The following RNF32 variants were observed in gnomAD, a reference collection of about 807,000 sequenced individuals.
The protein encoded by RNF32 is ring finger protein 32.
In RNF32, 36 loss-of-function variants were observed where a neutral mutation model predicts 41.0. The observed-to-expected ratio is 0.88, with a 90% CI of 0.67 to 1.16. RNF32 has a LOEUF of 1.16. Ranked by LOEUF, RNF32 falls within the 50% of genes most tolerant of loss-of-function variation. The probability of loss-of-function intolerance (pLI) is 0.00; values close to 1 mark genes in which losing one functional copy is unlikely to be tolerated. For synonymous variants in RNF32, 154 were observed against 160.9 expected (o/e 0.96, Z 0.32); for missense variants, 413 against 436.7 (o/e 0.95, Z 0.48).
chr7:156,676,165 G>A lies in RNF32; in HGVS notation c.853-254G>A, dbSNP rs562352539. Reference sequence around the variant, plus strand: ...GTCCCTTCAGTTTGAAATTCTGGAAGTTCCTGTTGGATGTTGCTTATCACA... The same window carrying A: ...GTCCCTTCAGTTTGAAATTCTGGAAATTCCTGTTGGATGTTGCTTATCACA... On this transcript the variant is annotated intron_variant, in intron 8 of 8. Coordinates refer to ENST00000317955, the MANE Select transcript of RNF32 (RefSeq NM_030936.4). The A allele has an allele frequency of 3.5e-6, 4 of 1,153,920 alleles. No homozygotes were observed. The South Asian group carries it at 6.8e-5, about 20-fold the overall frequency. 71.5% of individuals were successfully genotyped at this position (1,153,920 alleles called of 1,614,324 possible). A position where few individuals can be genotyped will look rare whatever the true frequency, so the allele number is the denominator to read the frequency against.
chr7:156,646,996 T>G (rs1798039558), intron 3 of RNF32, among the ~76,000 whole-genome samples: 2 of 152,080 alleles, frequency 1.3e-5, no homozygotes, highest in African/African-American at 4.8e-5. Context: ...GAATTACAGG[T>G]GTGTGCCACC....
At position 156,659,025 on chromosome 7, in the gene RNF32, A is replaced by T. The variant is rs1800186268; in HGVS notation, c.684+455A>T. The T allele has an allele frequency of 5.6e-6, 8 of 1,425,614 alleles. No individual in the cohort carries two copies. The South Asian group carries it at 1.3e-4, about 23-fold the overall frequency. The allele number at this position is 1,425,614 out of a possible 1,614,324, so 88.3% of individuals were successfully genotyped here. A position where few individuals can be genotyped will look rare whatever the true frequency, so the allele number is the denominator to read the frequency against. ...AGTACCTCGTGGGGTCATCACAATGAGCTTTAGAGCTAACTTCCATGTCTA... is the reference window on the plus strand; with the variant it reads ...AGTACCTCGTGGGGTCATCACAATGTGCTTTAGAGCTAACTTCCATGTCTA... On this transcript the variant is annotated intron_variant, in intron 7 of 8. Transcript: ENST00000317955.
Position 156,658,537 on chromosome 7 carries a change from T to C in RNF32, c.651T>C (p.Asp217=), listed in dbSNP as rs148498643. 48 of 1,613,192 alleles carry C rather than the reference T, an allele frequency of 3.0e-5. No homozygotes were observed. The highest frequency in any genetic ancestry group is 4.1e-5 in the Non-Finnish European group (48 of 1,179,286). Residue 217 remains aspartate, a synonymous_variant, in exon 7 of 9, where the codon GAT becomes GAC. Transcript: ENST00000317955. ...TGAGGAAAACAGTACCTCCCACAGA[T>C]GCCAAGTTAAGAAAAAAATTCTTTG... ...RNLRKTVPPT[D]AKLRKKFFEK...
At chr7:156,642,023 A>G (rs904252397) in intron 1 of RNF32, among the ~76,000 whole-genome samples, 2 of 152,172 alleles carry the variant, frequency 1.3e-5, no homozygotes, top group Non-Finnish European at 2.9e-5. Flanking sequence ...CTATCTCTCC[A>G]CTCACGCCTT....
At chr7:156,665,912 C>G (rs1801280731) in intron 7 of RNF32, among the ~76,000 whole-genome samples, 8 of 152,222 alleles carry the variant, frequency 5.3e-5, no homozygotes. Flanking sequence ...GAAAAAAGTA[C>G]CTGACCGCAC....
chr7:156,668,568 C>T lies in RNF32; in HGVS notation c.685-7128C>T, dbSNP rs187291759. On this transcript the variant is annotated intron_variant, in intron 7 of 8. Transcript: ENST00000317955. The stretch of plus-strand genomic sequence containing the variant: ...CCTCACTCCTTCCTTCCCAGGTCCC[C>T]GTCCCACTGGCTGCATCTGCCCAGA... Among the ~76,000 whole-genome samples the T allele has an allele frequency of 4.4e-3, 667 of 152,286 alleles. 2 individuals carry two copies. The highest frequency in any genetic ancestry group is 7.3e-3 in the Non-Finnish European group (496 of 68,020).
At chr7:156,659,119 C>T (rs1040287122) in intron 7 of RNF32, 1 of 1,350,096 alleles carries the variant, frequency 7.4e-7, no homozygotes, top group African/African-American at 1.5e-5. Context: ...ATTTCCCATT[C>T]CTTGTCCCCA....
chr7:156,676,943 C>T lies in RNF32; in HGVS notation c.*288C>T, dbSNP rs1804171027. ...TCTAAAAATTGAGGTTAAGATATAG[C>T]TAGTGTCTGAACGACACTCCTTAAA... On this transcript the variant is annotated 3_prime_UTR_variant, in exon 9 of 9. Coordinates refer to ENST00000317955, the MANE Select transcript of RNF32 (RefSeq NM_030936.4). The T allele has an allele frequency of 2.8e-6, 1 of 353,102 alleles. No homozygotes were observed. Among genetic ancestry groups the T allele is most frequent in the East Asian group, 5.7e-5 (1 of 17,458 alleles). The allele number at this position is 353,102 out of a possible 1,614,324, so 21.9% of individuals were successfully genotyped here.
chr7:156,674,561 T>A (rs953490592), intron 7 of RNF32, among the ~76,000 whole-genome samples: 4 of 152,178 alleles, frequency 2.6e-5, no homozygotes, highest in African/African-American at 9.6e-5. Flanking sequence ...GGCCACTCTG[T>A]AATGACTCAG....
chr7:156,640,756 G>T (rs1019602923), upstream of RNF32: 4 of 270,086 alleles, frequency 1.5e-5, no homozygotes, highest in African/African-American at 7.1e-5. Context: ...CCAGGGAGTT[G>T]CCTGAGGGAA....
rs998118275 is a variant in RNF32 at position 156,676,893 on chromosome 7, A to C, written c.*238A>C. ...GAGTTTAATCACTTCAAATATGAAT[A>C]GCAAAAAATGAGAGCTTGCTTACTT... is the stretch of plus-strand genomic sequence containing the variant. On this transcript the variant is annotated 3_prime_UTR_variant, in exon 9 of 9. Coordinates refer to ENST00000317955, the MANE Select transcript of RNF32 (RefSeq NM_030936.4). 2.1e-6 allele frequency: 1 copy of C among 475,108 alleles called. No individual in the cohort carries two copies. Among genetic ancestry groups the C allele is most frequent in the Non-Finnish European group, 3.8e-6 (1 of 264,504 alleles). 29.4% of individuals were successfully genotyped at this position (475,108 alleles called of 1,614,324 possible). A position where few individuals can be genotyped will look rare whatever the true frequency, so the allele number is the denominator to read the frequency against.
intron 3 of RNF32, among the ~76,000 whole-genome samples, chr7:156,647,448 A>T (rs976964690): frequency 6.6e-6 from 1 of 152,086 alleles, no homozygotes; most frequent in African/African-American, 2.4e-5. Flanking sequence ...AACATACAAC[A>T]TGAGTTACTT....
rs201228278 is a variant in RNF32 at position 156,658,224 on chromosome 7, C to T, written c.547C>T (p.Arg183Cys). 1.4e-5 allele frequency: 23 copies of T among 1,614,192 alleles called. No homozygotes were observed. Among genetic ancestry groups the T allele is most frequent in the Middle Eastern group, 1.6e-4 (1 of 6,062 alleles). ...YQTRVIHDGA[R>C]LFRIKCVTRI... ...AACCCGAGTGATACACGATGGGGCC[C>T]GCCTGTTCAGAATCAAGTGTGTGAC... is the stretch of plus-strand genomic sequence containing the variant. Residue 183 changes from arginine (R) to cysteine (C), a missense_variant, in exon 6 of 9, where the codon CGC becomes TGC. By Grantham distance (180) the Arg-to-Cys change is radical. Transcript: ENST00000317955.
chr7:156,660,197 A>G (rs931546960), intron 7 of RNF32: 8 of 985,566 alleles, frequency 8.1e-6, no homozygotes, highest in Non-Finnish European at 9.6e-6. Flanking sequence ...GCCCGTTCCT[A>G]CTGGTTCCCT....
intron 7 of RNF32, among the ~76,000 whole-genome samples, chr7:156,667,294 G>A (rs1327051765): frequency 6.6e-6 from 1 of 152,134 alleles, no homozygotes; most frequent in Non-Finnish European, 1.5e-5. Context: ...CACTTAAAAA[G>A]CCCTCCTGAG....
Position 156,651,351 on chromosome 7 carries a change from T to C in RNF32, c.275-3225T>C, listed in dbSNP as rs537177855. On this transcript the variant is annotated intron_variant, in intron 3 of 8. Transcript: ENST00000317955. ...GCCTGAGCCTCCTGAGTAGCTGGGA[T>C]TACAGGTGTGTGCCACCACACCTGG... Among the ~76,000 whole-genome samples the C allele has an allele frequency of 9.2e-5, 14 of 151,984 alleles. 1 individual carries two copies. Among genetic ancestry groups the C allele is most frequent in the Admixed American group, 9.2e-4 (14 of 15,276 alleles).
Position 156,671,765 on chromosome 7 carries a change from T to G in RNF32, c.685-3931T>G, listed in dbSNP as rs77416420. On this transcript the variant is annotated intron_variant, in intron 7 of 8. Coordinates refer to ENST00000317955, the MANE Select transcript of RNF32 (RefSeq NM_030936.4). ...CTAGTATCTCATGTCACCATCTTTA[T>G]GTCCACGTACTTGAAGAAACTTAAG... is the stretch of plus-strand genomic sequence containing the variant. Among the ~76,000 whole-genome samples the G allele has an allele frequency of 5.1e-3, 769 of 151,118 alleles. 17 individuals carry two copies. Among genetic ancestry groups the G allele is most frequent in the East Asian group, 0.034 (171 of 5,094 alleles).
At chr7:156,652,675 AGTTTTT>A (rs1798906518) in intron 3 of RNF32, among the ~76,000 whole-genome samples, 1 of 152,160 alleles carries the variant, frequency 6.6e-6, no homozygotes, top group Admixed American at 6.5e-5. Flanking sequence ...TTTGTGTCTT[AGTTTTT>A]AACAAAAAAG....
Position 156,676,516 on chromosome 7 carries a change from T to C in RNF32, c.950T>C (p.Met317Thr). Reference sequence around the variant, plus strand: ...GGTGCAGGCAGGCGTTCCAGAGAGATGGCCCTCCTGTCCTGCTCACATGTG... The same window carrying C: ...GGTGCAGGCAGGCGTTCCAGAGAGACGGCCCTCCTGTCCTGCTCACATGTG... ...RVGAGRRSRE[M>T]ALLSCSHVFH... is the part of the protein sequence containing the mutation. Residue 317 changes from methionine to threonine, a missense_variant, in exon 9 of 9, where the codon ATG becomes ACG. By Grantham distance (81) the Met-to-Thr change is moderately conservative. Transcript: ENST00000317955. The C allele has an allele frequency of 6.2e-7, 1 of 1,614,048 alleles. No individual in the cohort carries two copies. Among genetic ancestry groups the C allele is most frequent in the Non-Finnish European group, 8.5e-7 (1 of 1,179,942 alleles).
Sources: allele counts gnomAD v4.1 joint callset (sites outside exome capture counted in the v4.1 genomes callset), GRCh38; gene constraint gnomAD v4.1.1; transcripts MANE v1.5; gene names NCBI Gene and HGNC (gene_info 2026-07-23, HGNC 2026-07-21).